Variants in FAM210A observed in about 807,000 individuals in gnomAD.
FAM210A encodes the protein family with sequence similarity 210 member A.
FAM210A carries 13 observed loss-of-function variants against 25.3 expected under a neutral mutation model. That is an observed-to-expected ratio of 0.51 (90% CI 0.33 to 0.82). The LOEUF (loss-of-function observed/expected upper bound fraction) is 0.82. Ranked by LOEUF, FAM210A falls within the 40% of genes least tolerant of loss-of-function variation. The probability of loss-of-function intolerance (pLI) is 0.02; values close to 1 mark genes in which losing one functional copy is unlikely to be tolerated. For missense variants in FAM210A, 319 were observed against 323.2 expected (o/e 0.99, Z 0.10); for synonymous variants, 125 against 118.7 (o/e 1.05, Z -0.35).
chr18:13,685,320 A>G (rs1387718163), intron 1 of FAM210A, among the ~76,000 whole-genome samples: 1 of 151,738 alleles, frequency 6.6e-6, no homozygotes. Flanking sequence ...GGTGGAGAAA[A>G]ACTGTATTTG....
intron 1 of FAM210A, among the ~76,000 whole-genome samples, chr18:13,690,327 T>A (rs1422779232): frequency 1.3e-5 from 2 of 152,078 alleles, no homozygotes; most frequent in Non-Finnish European, 2.9e-5. Flanking sequence ...ACCTCTGAGG[T>A]CAAGGCATAG....
rs998128653 is a variant in FAM210A, at chr18:13,707,802, T to C, written c.-29+18527A>G. Among the ~76,000 whole-genome samples, 5 of 152,340 alleles carry C rather than the reference T, an allele frequency of 3.3e-5. No individual in the cohort carries two copies. The East Asian group carries it at 9.6e-4, about 29-fold the overall frequency. On this transcript the variant is annotated intron_variant, in intron 1 of 3. Transcript: ENST00000651643. ...GGCCATACTTCAACCACTCATAGAC[T>C]GCTAAGTGCTCAGTGTTCAAATAAG...
In FAM210A at chr18:13,665,609, G is replaced by C. The variant is rs1055488859; in HGVS notation, c.*871C>G. ...CCATGAAAACCTGACTCCATTTTTAGTCTCCCAAACCTTTTTCTGCTTGAG... is the reference window on the plus strand; with the variant it reads ...CCATGAAAACCTGACTCCATTTTTACTCTCCCAAACCTTTTTCTGCTTGAG... On this transcript the variant is annotated 3_prime_UTR_variant, in exon 4 of 4. Transcript: ENST00000651643. 1 of 151,716 alleles carries C rather than the reference G, an allele frequency of 6.6e-6. No individual in the cohort carries two copies. The highest frequency in any genetic ancestry group is 2.4e-5 in the African/African-American group (1 of 41,296). The allele number at this position is 151,716 out of a possible 1,614,324, so 9.4% of individuals were successfully genotyped here. A position where few individuals can be genotyped will look rare whatever the true frequency, so the allele number is the denominator to read the frequency against.
At chr18:13,713,153 CCA>C (rs2043834619) in intron 1 of FAM210A, among the ~76,000 whole-genome samples, 1 of 152,170 alleles carries the variant, frequency 6.6e-6, no homozygotes, top group Non-Finnish European at 1.5e-5. Context: ...ACTTTTTTTA[CCA>C]ATAAAAAATT....
chr18:13,721,082 G>A (rs775825927), intron 1 of FAM210A, among the ~76,000 whole-genome samples: 18 of 152,070 alleles, frequency 1.2e-4, no homozygotes, highest in Non-Finnish European at 1.8e-4. Flanking sequence ...CATACCCTGA[G>A]GTACTAAGGG....
At chr18:13,684,266 G>T (rs757563099) in intron 1 of FAM210A, among the ~76,000 whole-genome samples, 3 of 152,124 alleles carry the variant, frequency 2.0e-5, no homozygotes, top group Non-Finnish European at 4.4e-5. Flanking sequence ...GGGCATGGTG[G>T]TGCACGCCTG....
chr18:13,681,903 A>G lies in FAM210A; in HGVS notation c.175T>C (p.Ser59Pro). Residue 59 changes from serine to proline, a missense_variant, in exon 2 of 4, where the codon TCT becomes CCT. Transcript: ENST00000651643. ...TCCTTTGCAACACACTGGGCAGCAG[A>G]TAAATGCAACCATTGTTTTTGAGGG... ...QGPQKQWLHL[S>P]AAQCVAKERR... The G allele has an allele frequency of 6.2e-7, 1 of 1,614,202 alleles. No homozygotes were observed. Among genetic ancestry groups the G allele is most frequent in the East Asian group, 2.2e-5 (1 of 44,878 alleles).
At chr18:13,688,058 A>G (rs1007543206) in intron 1 of FAM210A, among the ~76,000 whole-genome samples, 1 of 152,164 alleles carries the variant, frequency 6.6e-6, no homozygotes, top group Admixed American at 6.5e-5. Context: ...CCACACTGAT[A>G]ATGTCGATTA....
intron 2 of FAM210A, among the ~76,000 whole-genome samples, chr18:13,681,073 T>A (rs773350706): frequency 6.6e-5 from 10 of 152,314 alleles, no homozygotes; most frequent in Non-Finnish European, 1.2e-4. Context: ...ACCATACATA[T>A]GGCAAAATAG....
intron 1 of FAM210A, among the ~76,000 whole-genome samples, chr18:13,720,207 A>G (rs565713166): frequency 5.3e-5 from 8 of 152,304 alleles, no homozygotes; most frequent in African/African-American, 1.9e-4. Flanking sequence ...TATCTCCTAT[A>G]GGGCCTGCAA....
At chr18:13,696,371 G>C (rs2043693992) in intron 1 of FAM210A, among the ~76,000 whole-genome samples, 1 of 152,034 alleles carries the variant, frequency 6.6e-6, no homozygotes, top group African/African-American at 2.4e-5. Flanking sequence ...TTGGTAAGTT[G>C]GACTTCACTA....
intron 1 of FAM210A, among the ~76,000 whole-genome samples, chr18:13,726,028 G>T (rs45567346): frequency 6.6e-6 from 1 of 152,218 alleles, no homozygotes; most frequent in African/African-American, 2.4e-5. Context: ...TCGGAAGAAG[G>T]GGGGAGAACA....
intron 1 of FAM210A, among the ~76,000 whole-genome samples, chr18:13,684,717 C>T (rs118128500): frequency 0.025 from 3,740 of 152,250 alleles, 80 homozygotes; most frequent in Middle Eastern, 0.071. Flanking sequence ...ATCTAACTGA[C>T]ATTTATAGAA....
intron 1 of FAM210A, among the ~76,000 whole-genome samples, chr18:13,722,285 A>C (rs1214809013): frequency 6.6e-6 from 1 of 151,326 alleles, no homozygotes; most frequent in East Asian, 1.9e-4. Context: ...TGGTGATCAC[A>C]TAGCCCCTGC....
rs138691703 is a variant in FAM210A at position 13,686,808 on chromosome 18, A to G, written c.-28-4703T>C. Among the ~76,000 whole-genome samples the G allele has an allele frequency of 6.8e-4, 103 of 152,332 alleles. 1 individual carries two copies. Among genetic ancestry groups the G allele is most frequent in the African/African-American group, 2.4e-3 (98 of 41,576 alleles). ...TCCTTTCCAAAAACAAACAAACAAA[A>G]AAAGATCCCAGGCTGAGGTTGATTA... On this transcript the variant is annotated intron_variant, in intron 1 of 3. Transcript: ENST00000651643.
intron 1 of FAM210A, among the ~76,000 whole-genome samples, chr18:13,702,682 G>A (rs185312363): frequency 1.5e-3 from 223 of 152,308 alleles, no homozygotes; most frequent in African/African-American, 5.1e-3. Context: ...AAGGGCAATG[G>A]AGGCTGCCCA....
chr18:13,725,827 A>G (rs2043939360), intron 1 of FAM210A, among the ~76,000 whole-genome samples: 1 of 152,160 alleles, frequency 6.6e-6, no homozygotes, highest in African/African-American at 2.4e-5. Context: ...AACGCAGACT[A>G]ATGCATCCTT....
intron 1 of FAM210A, chr18:13,710,509 C>T (rs1359345134): frequency 6.6e-6 from 1 of 152,212 alleles, no homozygotes; most frequent in Non-Finnish European, 1.5e-5. Flanking sequence ...TTTCTATAAT[C>T]CCTTACTTCA....
In FAM210A at chr18:13,665,405, A is replaced by AAAAAAAAAAAAAAAAAAAAAAAAAAAAAG. The variant is rs2043392380; in HGVS notation, c.*1074_*1075insCTTTTTTTTTTTTTTTTTTTTTTTTTTTT. On this transcript the variant is annotated 3_prime_UTR_variant, in exon 4 of 4. Coordinates refer to ENST00000651643, the MANE Select transcript of FAM210A (RefSeq NM_152352.4). ...TCAAAAAAAAAAAAAAAAAAAAAAA[A>AAAAAAAAAAAAAAAAAAAAAAAAAAAAAG]AATCAAGTAGAATGCTCAAACAAGG... The AAAAAAAAAAAAAAAAAAAAAAAAAAAAAG allele has an allele frequency of 7.8e-6, 1 of 128,098 alleles. No individual in the cohort carries two copies. Among genetic ancestry groups the AAAAAAAAAAAAAAAAAAAAAAAAAAAAAG allele is most frequent in the Non-Finnish European group, 1.7e-5 (1 of 59,000 alleles). 7.9% of individuals were successfully genotyped at this position (128,098 alleles called of 1,614,324 possible). A position where few individuals can be genotyped will look rare whatever the true frequency, so the allele number is the denominator to read the frequency against.
Sources: gnomAD v4.1 joint callset for allele counts (sites outside exome capture counted in the v4.1 genomes callset) on GRCh38, gnomAD v4.1.1 for gene constraint, MANE v1.5 for transcripts, NCBI Gene and HGNC (gene_info 2026-07-23, HGNC 2026-07-21) for gene names.